Variants in GRIK2 observed in about 807,000 individuals in gnomAD.
GRIK2 encodes glutamate receptor ionotropic, kainate 2.
In GRIK2, 32 loss-of-function variants were observed where a neutral mutation model predicts 100.3. The ratio of observed to expected loss-of-function variants is 0.32; its 90% CI spans 0.24 to 0.43. The LOEUF is 0.43. Ranked by LOEUF, GRIK2 falls within the 20% of genes least tolerant of loss-of-function variation. The pLI is 1.00. For synonymous variants in GRIK2, 417 were observed against 389.4 expected, an observed-to-expected ratio of 1.07 and a Z score of -0.83; for missense variants, 843 against 1,114.9, an observed-to-expected ratio of 0.76 and a Z score of 3.47.
chr6:101,483,991 G>A (rs1772677752), intron 2 of GRIK2, among the ~76,000 whole-genome samples: 1 of 152,222 alleles, frequency 6.6e-6, no homozygotes, highest in African/African-American at 2.4e-5. Flanking sequence ...TGGGCAGCCA[G>A]TTAGAGTGTT....
At chr6:101,951,578 A>G (rs1264118549) in intron 14 of GRIK2, among the ~76,000 whole-genome samples, 1 of 152,168 alleles carries the variant, frequency 6.6e-6, no homozygotes, top group East Asian at 1.9e-4. Context: ...TCCCATCCAA[A>G]TCTCATCTTG....
chr6:102,044,477 C>T (rs192250970), intron 15 of GRIK2, among the ~76,000 whole-genome samples: 80 of 151,888 alleles, frequency 5.3e-4, no homozygotes, highest in Admixed American at 1.5e-3. Flanking sequence ...TGATTTATGG[C>T]GGGAGGTGAA....
At chr6:101,801,144 G>A (rs1037839559) in intron 8 of GRIK2, among the ~76,000 whole-genome samples, 2 of 151,866 alleles carry the variant, frequency 1.3e-5, no homozygotes, top group Non-Finnish European at 2.9e-5. Flanking sequence ...AATTTCACCT[G>A]GTATACATTT....
rs143916449 is a variant in GRIK2, at chr6:101,492,700, A to G, written c.115+93308A>G. 3.2e-4 allele frequency among the ~76,000 whole-genome samples: 48 copies of G among 152,110 alleles called. No individual in the cohort carries two copies. The East Asian group carries it at 8.9e-3, about 28-fold the overall frequency. ...AGCCATTGAGTACTATACTTTAAAG[A>G]CAAATAAATTTTATATAACTTTACT... On this transcript the variant is annotated intron_variant, in intron 2 of 16. Transcript: ENST00000369134.
intron 2 of GRIK2, among the ~76,000 whole-genome samples, chr6:101,546,019 C>T (rs1182264563): frequency 6.6e-6 from 1 of 151,986 alleles, no homozygotes; most frequent in Non-Finnish European, 1.5e-5. Flanking sequence ...TCATCTCTTC[C>T]ATGCAGCTGA....
intron 12 of GRIK2, among the ~76,000 whole-genome samples, chr6:101,899,727 G>A (rs1342616346): frequency 1.3e-5 from 2 of 152,096 alleles, no homozygotes; most frequent in African/African-American, 4.8e-5. Context: ...TTGAAGCAAA[G>A]GTGAAATTGT....
chr6:101,483,668 C>T (rs1160895974), intron 2 of GRIK2, among the ~76,000 whole-genome samples: 4 of 152,044 alleles, frequency 2.6e-5, no homozygotes, highest in Non-Finnish European at 1.5e-5. Context: ...TCTGCCTCCC[C>T]AGTTCAAGCA....
At chr6:101,455,101 G>A (rs1770925365) in intron 2 of GRIK2, among the ~76,000 whole-genome samples, 1 of 151,968 alleles carries the variant, frequency 6.6e-6, no homozygotes, top group Non-Finnish European at 1.5e-5. Context: ...TTATTTTGGG[G>A]AGTCTGTATG....
At chr6:101,922,884 T>C (rs1051208870) in intron 12 of GRIK2, among the ~76,000 whole-genome samples, 3 of 152,228 alleles carry the variant, frequency 2.0e-5, no homozygotes, top group African/African-American at 7.2e-5. Flanking sequence ...TACTTGGAAA[T>C]ACTTTAAAAA....
intron 14 of GRIK2, among the ~76,000 whole-genome samples, chr6:102,007,577 C>G (rs556336566): frequency 6.6e-6 from 1 of 151,936 alleles, no homozygotes; most frequent in African/African-American, 2.4e-5. Context: ...AGCATGAGAA[C>G]AATTACATAA....
intron 2 of GRIK2, among the ~76,000 whole-genome samples, chr6:101,602,887 T>C (rs542894624): frequency 1.3e-5 from 2 of 151,812 alleles, no homozygotes; most frequent in South Asian, 4.1e-4. Context: ...GTGATTTGCA[T>C]CATATTAGTC....
intron 2 of GRIK2, among the ~76,000 whole-genome samples, chr6:101,592,739 C>A (rs79328260): frequency 0.092 from 13,816 of 150,382 alleles, 720 homozygotes; most frequent in Admixed American, 0.15. Flanking sequence ...AAATTATATT[C>A]ATGACTTTGG....
chr6:101,603,690 G>C (rs1779322349), intron 2 of GRIK2, among the ~76,000 whole-genome samples: 1 of 151,594 alleles, frequency 6.6e-6, no homozygotes, highest in Non-Finnish European at 1.5e-5. Context: ...AATTTATAAT[G>C]AATTCTATTC....
At chr6:101,960,057 T>TG (rs1342026584) in intron 14 of GRIK2, among the ~76,000 whole-genome samples, 3 of 150,100 alleles carry the variant, frequency 2.0e-5, no homozygotes, top group East Asian at 1.9e-4. Context: ...TGTTTTGTTT[T>TG]TTTTTTTTTG....
At chr6:101,756,927 A>G (rs923787769) in intron 7 of GRIK2, among the ~76,000 whole-genome samples, 1 of 152,174 alleles carries the variant, frequency 6.6e-6, no homozygotes, top group Non-Finnish European at 1.5e-5. Flanking sequence ...TTCCTAAATC[A>G]AATGGATATT....
intron 2 of GRIK2, among the ~76,000 whole-genome samples, chr6:101,449,594 T>C (rs1770555473): frequency 6.6e-6 from 1 of 151,772 alleles, no homozygotes; most frequent in Admixed American, 6.6e-5. Context: ...AGTTGTGAAT[T>C]ATGATTGGAC....
chr6:102,009,349 G>A (rs2114305106), intron 14 of GRIK2, among the ~76,000 whole-genome samples: 1 of 152,092 alleles, frequency 6.6e-6, no homozygotes, highest in Admixed American at 6.5e-5. Context: ...ACTTCTAGTT[G>A]TTTAAATTTA....
chr6:101,926,523 G>A (rs1789915289), intron 13 of GRIK2, among the ~76,000 whole-genome samples: 1 of 152,044 alleles, frequency 6.6e-6, no homozygotes. Context: ...TTGAGAATTT[G>A]TATGCTCATA....
At chr6:101,693,228 A>G (rs577408799) in intron 7 of GRIK2, among the ~76,000 whole-genome samples, 6 of 152,218 alleles carry the variant, frequency 3.9e-5, no homozygotes, top group South Asian at 4.1e-4. Flanking sequence ...CTTTATGGTC[A>G]TATTATTTTT....
Sources: gnomAD v4.1 joint callset for allele counts (sites outside exome capture counted in the v4.1 genomes callset) on GRCh38, gnomAD v4.1.1 for gene constraint, MANE v1.5 for transcripts, NCBI Gene and HGNC (gene_info 2026-07-23, HGNC 2026-07-21) for gene names.